The following TJP2 variants were observed in gnomAD, a reference collection of about 807,000 sequenced individuals.
TJP2 encodes tight junction protein 2, also known as Friedreich ataxia region gene X104 (tight junction protein ZO-2).
Under a neutral mutation model 133.1 loss-of-function variants are expected in TJP2, and 91 were observed. The observed-to-expected ratio is 0.68, with a 90% CI of 0.58 to 0.81. The LOEUF (loss-of-function observed/expected upper bound fraction) is 0.81, where lower values mean the gene tolerates loss of function less well. Among genes scored for constraint, TJP2 ranks in the 40% least tolerant of loss-of-function variants. The pLI is 0.00. For synonymous variants in TJP2, 592 were observed against 583.4 expected (o/e 1.01, Z -0.21); for missense variants, 1,541 against 1,565.6 (o/e 0.98, Z 0.26).
chr9:69,218,554 G>A, intron 4 of TJP2, 195 bp downstream of exon 4: 1 of 613,994 alleles, frequency 1.6e-6, no homozygotes, highest in South Asian at 1.8e-5. Flanking sequence ...GTCTTCTCCT[G>A]AGGCCAGTGA....
chr9:69,137,490 G>A (rs1822829801), intron 1 of TJP2, among the ~76,000 whole-genome samples: 1 of 151,650 alleles, frequency 6.6e-6, no homozygotes, highest in East Asian at 1.9e-4. Context: ...AGCCTCCTGA[G>A]TAGCTGGAAC....
At chr9:69,167,293 G>A (rs147127166) in intron 2 of TJP2, among the ~76,000 whole-genome samples, 417 of 152,166 alleles carry the variant, frequency 2.7e-3, no homozygotes, top group African/African-American at 9.6e-3. Flanking sequence ...TCTCATTTTT[G>A]TAAACATTTT....
At chr9:69,196,060 T>C (rs562302990) in intron 1 of TJP2, among the ~76,000 whole-genome samples, 1 of 152,300 alleles carries the variant, frequency 6.6e-6, no homozygotes, top group South Asian at 2.1e-4. Context: ...ACTCCTGGGT[T>C]CAAGCAGTGC....
intron 6 of TJP2, 54 bp downstream of exon 6, chr9:69,225,461 C>A: frequency 2.6e-6 from 3 of 1,166,598 alleles, no homozygotes; most frequent in Non-Finnish European, 3.8e-6. Flanking sequence ...TCATCGCCTG[C>A]ATGTCCACAT....
rs547967117 is a variant in TJP2, at chr9:69,205,326, A to T, written c.61-7222A>T. The T allele has an allele frequency of 5.2e-6, 8 of 1,526,570 alleles. No individual in the cohort carries two copies. In the African/African-American group the frequency reaches 9.6e-5, roughly 18 times the overall value. The allele number at this position is 1,526,570 out of a possible 1,614,324, so 94.6% of individuals were successfully genotyped here. ...AAACCATTCTCACAGTGAGTCCTTT[A>T]TCCTCAGATTGATTTGTGCTTCTGG... On this transcript the variant is annotated intron_variant, in intron 1 of 22. Transcript: ENST00000377245.
Position 69,230,201 on chromosome 9 carries a change from A to T in TJP2, c.1640A>T (p.Glu547Val). 6.2e-7 allele frequency: 1 copy of T among 1,614,148 alleles called. No homozygotes were observed. Among genetic ancestry groups the T allele is most frequent in the Non-Finnish European group, 8.5e-7 (1 of 1,180,018 alleles). The change falls in exon 11 of 23, where the codon GAG (glutamate) becomes GTG (valine). Residue 547 changes from glutamate (E) to valine (V), a missense_variant. Coordinates refer to ENST00000377245, the MANE Select transcript of TJP2 (RefSeq NM_004817.4). The part of the protein sequence containing the change: ...GIQEGTSAEQ[E>V]GLQEGDQILK... ...CAAGAAGGGACCTCGGCGGAGCAGG[A>T]GGGCCTTCAAGAAGGAGACCAGATT... is the stretch of plus-strand genomic sequence containing the variant.
At chr9:69,164,081 C>T (rs184736931) in intron 2 of TJP2, among the ~76,000 whole-genome samples, 86 of 152,234 alleles carry the variant, frequency 5.6e-4, no homozygotes, top group African/African-American at 1.8e-3. Flanking sequence ...TTATGAGCCA[C>T]GTTTTCAATT....
intron 1 of TJP2, among the ~76,000 whole-genome samples, chr9:69,140,369 T>G (rs941165803): frequency 3.3e-5 from 5 of 152,158 alleles, no homozygotes; most frequent in Non-Finnish European, 5.9e-5. Flanking sequence ...GCAGAGACAT[T>G]GACTCTTCCA....
intron 1 of TJP2, among the ~76,000 whole-genome samples, chr9:69,134,212 G>A (rs775510722): frequency 5.3e-5 from 8 of 152,200 alleles, no homozygotes; most frequent in Non-Finnish European, 1.0e-4. Context: ...GAATGAATGA[G>A]TGTGGAGTTG....
intron 1 of TJP2, 108 bp downstream of exon 1, chr9:69,174,540 C>T (rs1587968795): frequency 1.5e-6 from 2 of 1,291,064 alleles, no homozygotes; most frequent in East Asian, 2.6e-5. Context: ...CCCGATGCGC[C>T]GTAGGAAGCT....
chr9:69,219,690 C>G (rs1164309707), intron 4 of TJP2, among the ~76,000 whole-genome samples: 2 of 152,192 alleles, frequency 1.3e-5, no homozygotes, highest in African/African-American at 4.8e-5. Flanking sequence ...TCCCAAGGTG[C>G]TGGGATTACA....
At chr9:69,213,251 C>T (rs542244866) in intron 2 of TJP2, among the ~76,000 whole-genome samples, 49 of 152,078 alleles carry the variant, frequency 3.2e-4, no homozygotes, top group Admixed American at 1.5e-3. Context: ...TTAATAGAGA[C>T]GGGGTTTCTC....
At chr9:69,176,528 A>C (rs186358057) in intron 1 of TJP2, among the ~76,000 whole-genome samples, 19 of 152,258 alleles carry the variant, frequency 1.2e-4, no homozygotes, top group Non-Finnish European at 2.4e-4. Context: ...GAAATCCCTC[A>C]TGTATTAAAT....
chr9:69,243,785 G>A (rs1830727970), intron 17 of TJP2, among the ~76,000 whole-genome samples: 1 of 152,166 alleles, frequency 6.6e-6, no homozygotes, highest in South Asian at 2.1e-4. Flanking sequence ...TACCTTTGCT[G>A]TTGCATGCCC....
At position 69,251,102 on chromosome 9, in the gene TJP2, C is replaced by T. The variant is rs1204217682; in HGVS notation, c.3059C>T (p.Ser1020Phe). Residue 1020 changes from serine to phenylalanine, a missense_variant, in exon 21 of 23, where the codon TCT (serine) becomes TTT (phenylalanine). By Grantham distance (155) the Ser-to-Phe change is radical (BLOSUM62 -2). Coordinates refer to ENST00000377245, the MANE Select transcript of TJP2 (RefSeq NM_004817.4). ...TCCTATGAATATAAGTCAAACCCCT[C>T]TGCCGTTGCTGGTAATGAAACTCCT... ...SKSYEYKSNP[S>F]AVAGNETPGA... 1 of 1,614,104 alleles carries T rather than the reference C, an allele frequency of 6.2e-7. No homozygotes were observed. The highest frequency in any genetic ancestry group is 2.2e-5 in the East Asian group (1 of 44,890).
At chr9:69,210,934 C>G (rs1827859275) in intron 1 of TJP2, among the ~76,000 whole-genome samples, 1 of 152,104 alleles carries the variant, frequency 6.6e-6, no homozygotes, top group South Asian at 2.1e-4. Flanking sequence ...CACTATGTTG[C>G]ACAGGCTGCC....
intron 21 of TJP2, 23 bp downstream of exon 21, chr9:69,251,387 T>G: frequency 6.2e-7 from 1 of 1,604,684 alleles, no homozygotes; most frequent in Non-Finnish European, 8.5e-7. Flanking sequence ...AAACTACACA[T>G]CATCAATAAG....
At chr9:69,205,665 T>C (rs895563821) in intron 1 of TJP2, among the ~76,000 whole-genome samples, 1 of 152,268 alleles carries the variant, frequency 6.6e-6, no homozygotes, top group African/African-American at 2.4e-5. Context: ...AAAAGTGTTT[T>C]TCACATGTTC....
At chr9:69,249,941 G>T (rs1166741482) in intron 20 of TJP2, among the ~76,000 whole-genome samples, 1 of 152,162 alleles carries the variant, frequency 6.6e-6, no homozygotes, top group Non-Finnish European at 1.5e-5. Flanking sequence ...CTCATTAAGA[G>T]AGCTGCTTAT....
Sources: allele counts gnomAD v4.1 joint callset (sites outside exome capture counted in the v4.1 genomes callset), GRCh38; gene constraint gnomAD v4.1.1; transcripts MANE v1.5; gene names NCBI Gene and HGNC (gene_info 2026-07-23, HGNC 2026-07-21).